PRKCE: variants seen among roughly 807,000 people sequenced by gnomAD.
The protein encoded by PRKCE is protein kinase C epsilon.
In PRKCE, 16 loss-of-function variants were observed where a neutral mutation model predicts 85.4. The observed-to-expected ratio is 0.19, with a 90% confidence interval of 0.13 to 0.28. The LOEUF is 0.28. Ranked by LOEUF, PRKCE falls within the 10% of genes least tolerant of loss-of-function variation. The probability of loss-of-function intolerance (pLI) is 1.00; values close to 1 mark genes in which losing one functional copy is unlikely to be tolerated. For synonymous variants in PRKCE, 388 were observed against 371.5 expected, an observed-to-expected ratio of 1.04 and a Z score of -0.51; for missense variants, 573 against 975.2, an observed-to-expected ratio of 0.59 and a Z score of 5.49.
intron 1 of PRKCE, among the ~76,000 whole-genome samples, chr2:45,766,435 T>A (rs1684914563): frequency 6.6e-6 from 1 of 152,200 alleles, no homozygotes; most frequent in African/African-American, 2.4e-5. Flanking sequence ...TACTCTCTTC[T>A]TTTTTCCCAG....
intron 11 of PRKCE, among the ~76,000 whole-genome samples, chr2:46,141,774 A>T (rs900625863): frequency 6.6e-6 from 1 of 151,602 alleles, no homozygotes; most frequent in African/African-American, 2.4e-5. Flanking sequence ...GTACACAGGG[A>T]CTAATATCTG....
intron 14 of PRKCE, among the ~76,000 whole-genome samples, chr2:46,161,343 T>C (rs1318094403): frequency 6.6e-6 from 1 of 152,236 alleles, no homozygotes; most frequent in African/African-American, 2.4e-5. Context: ...TTAACTTCTA[T>C]TTAATCTAAG....
At chr2:45,849,373 G>A (rs566127820) in intron 2 of PRKCE, among the ~76,000 whole-genome samples, 52 of 152,152 alleles carry the variant, frequency 3.4e-4, no homozygotes, top group African/African-American at 4.3e-4. Context: ...CTCTTTTCTC[G>A]CTTAGCAACC....
chr2:46,122,195 G>C (rs1296485366), intron 11 of PRKCE, among the ~76,000 whole-genome samples: 1 of 151,974 alleles, frequency 6.6e-6, no homozygotes, highest in Non-Finnish European at 1.5e-5. Flanking sequence ...TTTGTATTTA[G>C]GTCTCTTTAT....
At chr2:45,722,563 C>G (rs938565475) in intron 1 of PRKCE, among the ~76,000 whole-genome samples, 1 of 152,194 alleles carries the variant, frequency 6.6e-6, no homozygotes, top group Non-Finnish European at 1.5e-5. Context: ...AAACTCAGGT[C>G]TTGGATCTCC....
intron 11 of PRKCE, among the ~76,000 whole-genome samples, chr2:46,087,158 CTT>C (rs66723838): frequency 0.56 from 82,728 of 147,636 alleles, 23,834 homozygotes; most frequent in East Asian, 0.79. Flanking sequence ...CTATTCTATT[CTT>C]TTTTTTTTTT....
rs190949571 is a variant in PRKCE, at chr2:45,682,072, T to C, written c.348+29624T>C. The stretch of plus-strand genomic sequence containing the variant: ...ATGGTAGTGTTTAAGCTTATTAAAA[T>C]ATAAGTGTTGTTTATCCAAACAATC... On this transcript the variant is annotated intron_variant, in intron 1 of 14. Coordinates refer to ENST00000306156, the MANE Select transcript of PRKCE (RefSeq NM_005400.3). Among the ~76,000 whole-genome samples the C allele has an allele frequency of 2.0e-5, 3 of 152,372 alleles. No homozygotes were observed. In the East Asian group the frequency reaches 5.8e-4, roughly 29 times the overall value.
At chr2:45,817,183 G>A (rs1304480400) in intron 1 of PRKCE, among the ~76,000 whole-genome samples, 4 of 151,790 alleles carry the variant, frequency 2.6e-5, no homozygotes, top group African/African-American at 9.7e-5. Flanking sequence ...TGCAACCCTA[G>A]GCCTTGTCAT....
chr2:46,081,660 A>G (rs1052955226), intron 10 of PRKCE, among the ~76,000 whole-genome samples: 1 of 152,234 alleles, frequency 6.6e-6, no homozygotes, highest in Non-Finnish European at 1.5e-5. Flanking sequence ...TTCCAGGCAG[A>G]AAGAACAGTG....
rs1313049550 is a variant in PRKCE, at chr2:45,984,825, ACT to A, written c.823+148_823+149del. 1.0e-4 allele frequency: 119 copies of A among 1,190,126 alleles called. 2 individuals carry two copies. The Middle Eastern group carries it at 1.6e-3, about 16-fold the overall frequency. 73.7% of individuals were successfully genotyped at this position (1,190,126 alleles called of 1,614,324 possible). ...AGCCTTTGTTAATCCTGCATTAGTA[ACT>A]CTGTGCATTTGGTAGGCAGACTCTG... On this transcript the variant is annotated intron_variant, in intron 6 of 14. Coordinates refer to ENST00000306156, the MANE Select transcript of PRKCE (RefSeq NM_005400.3).
intron 1 of PRKCE, among the ~76,000 whole-genome samples, chr2:45,740,000 A>G (rs1000310772): frequency 2.6e-5 from 4 of 152,178 alleles, no homozygotes; most frequent in Admixed American, 6.5e-5. Flanking sequence ...AAGAAACCAC[A>G]AAGTGTTAGA....
At chr2:46,152,382 A>T (rs1371065551) in intron 13 of PRKCE, among the ~76,000 whole-genome samples, 1 of 151,858 alleles carries the variant, frequency 6.6e-6, no homozygotes, top group Non-Finnish European at 1.5e-5. Flanking sequence ...AGATTTCACC[A>T]TGTTGGCCAG....
intron 1 of PRKCE, among the ~76,000 whole-genome samples, chr2:45,761,068 C>A (rs537549352): frequency 8.5e-5 from 13 of 152,278 alleles, no homozygotes; most frequent in African/African-American, 2.9e-4. Context: ...TGGCTCACGC[C>A]TGTAATCCCA....
chr2:46,114,764 GA>G (rs1169207386), intron 11 of PRKCE, among the ~76,000 whole-genome samples: 44 of 152,020 alleles, frequency 2.9e-4, no homozygotes, highest in Admixed American at 2.9e-3. Context: ...TTTCCCTCAA[GA>G]AAGCCCGTTC....
chr2:45,942,489 C>T lies in PRKCE; in HGVS notation c.413-33940C>T, dbSNP rs1573966193. Among the ~76,000 whole-genome samples the T allele has an allele frequency of 3.3e-5, 5 of 152,284 alleles. No homozygotes were observed. The South Asian group carries it at 1.0e-3, about 32-fold the overall frequency. On this transcript the variant is annotated intron_variant, in intron 2 of 14. Transcript: ENST00000306156. ...ATTAATGTTGTCATATTATGTGTGACATGTCATATATGAGGAACGTGCAGC... is the reference window on the plus strand; with the variant it reads ...ATTAATGTTGTCATATTATGTGTGATATGTCATATATGAGGAACGTGCAGC...
At position 45,760,007 on chromosome 2, in the gene PRKCE, A is replaced by G. The variant is rs932040600; in HGVS notation, c.349-82993A>G. Among the ~76,000 whole-genome samples, 3 of 152,322 alleles carry G rather than the reference A, an allele frequency of 2.0e-5. No individual in the cohort carries two copies. The East Asian group carries it at 5.8e-4, about 29-fold the overall frequency. On this transcript the variant is annotated intron_variant, in intron 1 of 14. Transcript: ENST00000306156. ...GTCCCAGTTAGGAGGGACAATACCT[A>G]TGCACGCAAAAGCAGATGCATTTGA... is the stretch of plus-strand genomic sequence containing the variant.
rs74417389 is a variant in PRKCE at position 45,999,079 on chromosome 2, A to G, written c.824-2325A>G. 3.1e-3 allele frequency among the ~76,000 whole-genome samples: 471 copies of G among 152,338 alleles called. 3 individuals carry two copies. The highest frequency in any genetic ancestry group is 5.1e-3 in the Non-Finnish European group (349 of 68,004). ...ATTACACATAATCAGCACATTACTA[A>G]TATTATGATTTTGGGCAAACCATTA... On this transcript the variant is annotated intron_variant, in intron 6 of 14. Transcript: ENST00000306156.
intron 1 of PRKCE, among the ~76,000 whole-genome samples, chr2:45,665,485 C>T (rs1406899413): frequency 1.3e-5 from 2 of 152,212 alleles, no homozygotes; most frequent in South Asian, 2.1e-4. Context: ...TAAGCATCAA[C>T]TCTCTGCCCC....
At chr2:45,942,935 C>T (rs1465558327) in intron 2 of PRKCE, among the ~76,000 whole-genome samples, 3 of 152,190 alleles carry the variant, frequency 2.0e-5, no homozygotes, top group African/African-American at 2.4e-5. Context: ...GTTGTCCCCC[C>T]AACCTCTTAT....
Sources: gnomAD v4.1 joint callset for allele counts (sites outside exome capture counted in the v4.1 genomes callset) on GRCh38, gnomAD v4.1.1 for gene constraint, MANE v1.5 for transcripts, NCBI Gene and HGNC (gene_info 2026-07-23, HGNC 2026-07-21) for gene names.